The following LTC4S variants were observed in gnomAD, a reference collection of about 807,000 sequenced individuals.
LTC4S encodes the protein leukotriene C4 synthase, also known as LTC4 synthase.
In LTC4S, 18 loss-of-function variants were observed where a neutral mutation model predicts 19.6. The observed-to-expected ratio is 0.92, with a 90% confidence interval of 0.64 to 1.36. The LOEUF is 1.36. LTC4S is among the 40% of genes most tolerant of loss of function. The pLI is 0.00. For missense variants in LTC4S, 235 were observed against 212.2 expected (o/e 1.11, Z -0.67); for synonymous variants, 126 against 110.1 (o/e 1.14, Z -0.91).
Position 179,796,259 on chromosome 5 carries a change from A to G in LTC4S, c.318A>G (p.Ala106=). The G allele has an allele frequency of 6.8e-7, 1 of 1,464,248 alleles. No individual in the cohort carries two copies. The highest frequency in any genetic ancestry group is 9.0e-7 in the Non-Finnish European group (1 of 1,113,468). The allele number at this position is 1,464,248 out of a possible 1,614,324, so 90.7% of individuals were successfully genotyped here. A position where few individuals can be genotyped will look rare whatever the true frequency, so the allele number is the denominator to read the frequency against. ...CGCTGACCGCCGCCCGCAGGCTGGCACCGCTGTACGCGAGCGCGCGCGCCC... is the reference window on the plus strand; with the variant it reads ...CGCTGACCGCCGCCCGCAGGCTGGCGCCGCTGTACGCGAGCGCGCGCGCCC... ...GYARSAQLRL[A]PLYASARALW... is the part of the protein sequence containing the mutation. Residue 106 remains alanine, a synonymous_variant, in exon 5 of 5, where the codon GCA becomes GCG. Coordinates refer to ENST00000292596, the MANE Select transcript of LTC4S (RefSeq NM_145867.2).
intron 1 of LTC4S, among the ~76,000 whole-genome samples, 166 bp downstream of exon 1, chr5:179,794,304 G>A (rs1756545606): frequency 1.3e-5 from 2 of 152,154 alleles, no homozygotes; most frequent in Admixed American, 6.5e-5. Context: ...TGTGAGAGCT[G>A]TAGGACTTGG....
At chr5:179,795,912 C>T in intron 3 of LTC4S, 29 bp from the exon 4 acceptor site, 2 of 1,583,942 alleles carry the variant, frequency 1.3e-6, no homozygotes, top group Non-Finnish European at 1.7e-6. Flanking sequence ...GCGCAGGGCG[C>T]TCACCAGGCC....
At position 179,796,340 on chromosome 5, in the gene LTC4S, C is replaced by T. The variant is rs1361731580; in HGVS notation, c.399C>T (p.Ala133=). The T allele has an allele frequency of 2.0e-6, 3 of 1,489,428 alleles. No homozygotes were observed. The highest frequency in any genetic ancestry group is 4.4e-5 in the Admixed American group (2 of 44,972). 92.3% of individuals were successfully genotyped at this position (1,489,428 alleles called of 1,614,324 possible). ...GCCTGCTCGCCCACTTCCTCCCGGC[C>T]GCGCTGCGCGCCGCGCTCCTCGGAC... ...ALGLLAHFLP[A]ALRAALLGRL... Residue 133 remains alanine (A), a synonymous_variant, in exon 5 of 5, where the codon GCC becomes GCT. Transcript: ENST00000292596.
chr5:179,796,421 C>G lies in LTC4S; in HGVS notation c.*27C>G, dbSNP rs1756629895. The G allele has an allele frequency of 6.8e-7, 1 of 1,474,840 alleles. No individual in the cohort carries two copies. The highest frequency in any genetic ancestry group is 8.9e-7 in the Non-Finnish European group (1 of 1,118,082). 91.4% of individuals were successfully genotyped at this position (1,474,840 alleles called of 1,614,324 possible). ...ACCAAGGCCCCCGGGCCGACGGAGC[C>G]GGGAAAGAAGAGCCGGAGCCTCCAG... On this transcript the variant is annotated 3_prime_UTR_variant, in exon 5 of 5. Transcript: ENST00000292596.
rs759348394 is a variant in LTC4S at position 179,796,247 on chromosome 5, C to T, written c.312-6C>T. Reference sequence around the variant, plus strand: ...GCGCCACCTCCCCGCTGACCGCCGCCCGCAGGCTGGCACCGCTGTACGCGA... The same window carrying T: ...GCGCCACCTCCCCGCTGACCGCCGCTCGCAGGCTGGCACCGCTGTACGCGA... On this transcript the variant is annotated splice_polypyrimidine_tract_variant and splice_region_variant and intron_variant, in intron 4 of 4. Coordinates refer to ENST00000292596, the MANE Select transcript of LTC4S (RefSeq NM_145867.2). 8 of 1,452,208 alleles carry T rather than the reference C, an allele frequency of 5.5e-6. No individual in the cohort carries two copies. The South Asian group carries it at 9.3e-5, about 17-fold the overall frequency. 90.0% of individuals were successfully genotyped at this position (1,452,208 alleles called of 1,614,324 possible).
In LTC4S at chr5:179,796,346, G is replaced by T. The variant is rs1268844406; in HGVS notation, c.405G>T (p.Leu135=). ...GLLAHFLPAA[L]RAALLGRLRT... ...TCGCCCACTTCCTCCCGGCCGCGCT[G>T]CGCGCCGCGCTCCTCGGACGGCTCC... Residue 135 remains leucine (L), a synonymous_variant, in exon 5 of 5, where the codon CTG becomes CTT. Coordinates refer to ENST00000292596, the MANE Select transcript of LTC4S (RefSeq NM_145867.2). 2.3e-5 allele frequency: 34 copies of T among 1,489,914 alleles called. No individual in the cohort carries two copies. The highest frequency in any genetic ancestry group is 2.8e-5 in the Non-Finnish European group (32 of 1,127,722). The allele number at this position is 1,489,914 out of a possible 1,614,324, so 92.3% of individuals were successfully genotyped here.
rs188919983 is a variant in LTC4S at position 179,795,929 on chromosome 5, T to C, written c.230-12T>C. 27,078 of 1,574,590 alleles carry C rather than the reference T, an allele frequency of 0.017. 316 individuals carry two copies. Among genetic ancestry groups the C allele is most frequent in the Non-Finnish European group, 0.021 (24,261 of 1,164,980 alleles). On this transcript the variant is annotated splice_polypyrimidine_tract_variant and intron_variant, in intron 3 of 4. Coordinates refer to ENST00000292596, the MANE Select transcript of LTC4S (RefSeq NM_145867.2). ...GCAGGGCGCTCACCAGGCCCGTGCG[T>C]ACCTCTCGCAGGGGCGGCGGCCCTG...
chr5:179,796,143 T>C, intron 4 of LTC4S, 110 bp from the exon 5 acceptor site: 1 of 1,257,022 alleles, frequency 8.0e-7, no homozygotes, highest in Non-Finnish European at 1.0e-6. Context: ...CTTTGGGGAT[T>C]CGGTGGGCGA....
In LTC4S at chr5:179,796,352, C is replaced by T; in HGVS notation, c.411C>T (p.Ala137=). ...ACTTCCTCCCGGCCGCGCTGCGCGC[C>T]GCGCTCCTCGGACGGCTCCGGACGC... ...LAHFLPAALR[A]ALLGRLRTLL... is the part of the protein sequence containing the mutation. Residue 137 remains alanine, a synonymous_variant, in exon 5 of 5, where the codon GCC becomes GCT. Transcript: ENST00000292596. The T allele has an allele frequency of 1.3e-6, 2 of 1,491,010 alleles. No homozygotes were observed. Among genetic ancestry groups the T allele is most frequent in the South Asian group, 1.3e-5 (1 of 79,506 alleles). 92.4% of individuals were successfully genotyped at this position (1,491,010 alleles called of 1,614,324 possible).
At chr5:179,796,085 G>A in intron 4 of LTC4S, 63 bp downstream of exon 4, 1 of 1,425,194 alleles carries the variant, frequency 7.0e-7, no homozygotes, top group Non-Finnish European at 9.3e-7. Context: ...GGGGCTCCTG[G>A]GGAGCGGGAC....
chr5:179,795,838 G>A lies in LTC4S; in HGVS notation c.211G>A (p.Gly71Ser), dbSNP rs751120439. The A allele has an allele frequency of 9.8e-5, 158 of 1,606,306 alleles. No homozygotes were observed. The highest frequency in any genetic ancestry group is 1.3e-4 in the Non-Finnish European group (155 of 1,178,110). The change falls in exon 3 of 5, where the codon GGC becomes AGC. Residue 71 changes from glycine (G) to serine (S), a missense_variant. Coordinates refer to ENST00000292596, the MANE Select transcript of LTC4S (RefSeq NM_145867.2). Reference protein sequence around the residue: ...PLFLATLWVAGIFFHEGAAAL... With the variant: ...PLFLATLWVASIFFHEGAAAL... The stretch of plus-strand genomic sequence containing the variant: ...GTTCCTCGCCACGCTCTGGGTCGCC[G>A]GCATCTTCTTTCATGAAGGTCGGGG...
chr5:179,796,407 C>G lies in LTC4S; in HGVS notation c.*13C>G. Reference sequence around the variant, plus strand: ...GCCGTGGGCCTGAGACCAAGGCCCCCGGGCCGACGGAGCCGGGAAAGAAGA... The same window carrying G: ...GCCGTGGGCCTGAGACCAAGGCCCCGGGGCCGACGGAGCCGGGAAAGAAGA... On this transcript the variant is annotated 3_prime_UTR_variant, in exon 5 of 5. Coordinates refer to ENST00000292596, the MANE Select transcript of LTC4S (RefSeq NM_145867.2). 6.8e-7 allele frequency: 1 copy of G among 1,479,198 alleles called. No homozygotes were observed. Among genetic ancestry groups the G allele is most frequent in the Non-Finnish European group, 8.9e-7 (1 of 1,120,988 alleles). 91.6% of individuals were successfully genotyped at this position (1,479,198 alleles called of 1,614,324 possible).
At chr5:179,795,713 G>A in intron 2 of LTC4S, 30 bp downstream of exon 2, 1 of 1,571,344 alleles carries the variant, frequency 6.4e-7, no homozygotes. Context: ...CGCGGGGCGG[G>A]GAGCGAGCCC....
chr5:179,796,352 C>G lies in LTC4S; in HGVS notation c.411C>G (p.Ala137=), dbSNP rs1345929286. The G allele has an allele frequency of 6.7e-7, 1 of 1,491,010 alleles. No homozygotes were observed. Among genetic ancestry groups the G allele is most frequent in the East Asian group, 2.8e-5 (1 of 35,668 alleles). 92.4% of individuals were successfully genotyped at this position (1,491,010 alleles called of 1,614,324 possible). A position where few individuals can be genotyped will look rare whatever the true frequency, so the allele number is the denominator to read the frequency against. Residue 137 remains alanine, a synonymous_variant, in exon 5 of 5, where the codon GCC becomes GCG. Coordinates refer to ENST00000292596, the MANE Select transcript of LTC4S (RefSeq NM_145867.2). ...LAHFLPAALR[A]ALLGRLRTLL... ...ACTTCCTCCCGGCCGCGCTGCGCGC[C>G]GCGCTCCTCGGACGGCTCCGGACGC...
In LTC4S at chr5:179,795,792, C is replaced by T. The variant is rs1178975164; in HGVS notation, c.165C>T (p.Asn55=). 3.8e-6 allele frequency: 6 copies of T among 1,593,236 alleles called. No individual in the cohort carries two copies. In the East Asian group the frequency reaches 1.3e-4, roughly 36 times the overall value. Residue 55 remains asparagine, a synonymous_variant, in exon 3 of 5, where the codon AAC becomes AAT. Transcript: ENST00000292596. ...EFERVYRAQV[N]CSEYFPLFLA... ...TCCCACCCGCCCACCGCAGGGTGAACTGCAGCGAGTACTTCCCGCTGTTCC... is the reference window on the plus strand; with the variant it reads ...TCCCACCCGCCCACCGCAGGGTGAATTGCAGCGAGTACTTCCCGCTGTTCC...
At chr5:179,794,514 G>A (rs1756549974) in intron 1 of LTC4S, among the ~76,000 whole-genome samples, 1 of 152,206 alleles carries the variant, frequency 6.6e-6, no homozygotes, top group African/African-American at 2.4e-5. Flanking sequence ...CCTAAAAAGA[G>A]CCTGCTTAAT....
chr5:179,796,060 A>T (rs1756611099), intron 4 of LTC4S, 38 bp downstream of exon 4: 2 of 1,428,814 alleles, frequency 1.4e-6, no homozygotes, highest in Middle Eastern at 2.5e-4. Context: ...GGCCGGGGAA[A>T]GATCGCGGGC....
chr5:179,795,012 G>C (rs966730320), intron 1 of LTC4S, among the ~76,000 whole-genome samples: 1 of 152,198 alleles, frequency 6.6e-6, no homozygotes, highest in East Asian at 1.9e-4. Flanking sequence ...GGACCGGAAT[G>C]CAGGAACAGA....
At position 179,796,501 on chromosome 5, in the gene LTC4S, T is replaced by G; in HGVS notation, c.*107T>G. The G allele has an allele frequency of 2.2e-6, 3 of 1,336,036 alleles. No homozygotes were observed. Among genetic ancestry groups the G allele is most frequent in the Non-Finnish European group, 2.9e-6 (3 of 1,042,656 alleles). 82.8% of individuals were successfully genotyped at this position (1,336,036 alleles called of 1,614,324 possible). On this transcript the variant is annotated 3_prime_UTR_variant, in exon 5 of 5. Coordinates refer to ENST00000292596, the MANE Select transcript of LTC4S (RefSeq NM_145867.2). The stretch of plus-strand genomic sequence containing the variant: ...ATCCTAGTCTCTATCATTAAAGTTC[T>G]AGTGACCGAGACCCGGGCTGCGTTC...
Sources: allele counts gnomAD v4.1 joint callset (sites outside exome capture counted in the v4.1 genomes callset), GRCh38; gene constraint gnomAD v4.1.1; transcripts MANE v1.5; gene names NCBI Gene and HGNC (gene_info 2026-07-23, HGNC 2026-07-21).